The following PLD5 variants were observed in gnomAD, a reference collection of about 807,000 sequenced individuals.
PLD5 encodes inactive phospholipase D5.
A neutral mutation model predicts 61.1 loss-of-function variants in PLD5; 36 were observed. That is an observed-to-expected ratio of 0.59 (90% confidence interval 0.45 to 0.78). The LOEUF (loss-of-function observed/expected upper bound fraction) is 0.78, where lower values mean the gene tolerates loss of function less well. Ranked by LOEUF, PLD5 falls within the 30% of genes least tolerant of loss-of-function variation. The probability of loss-of-function intolerance (pLI) is 0.00; values close to 1 mark genes in which losing one functional copy is unlikely to be tolerated. For synonymous variants in PLD5, 243 were observed against 242.8 expected, an observed-to-expected ratio of 1.00 and a Z score of -0.01; for missense variants, 515 against 644.4, an observed-to-expected ratio of 0.80 and a Z score of 2.17.
At position 242,392,882 on chromosome 1, in the gene PLD5, T is replaced by C. The variant is rs571104873; in HGVS notation, c.190-44640A>G. ...CGATTAGAGGATTATAATGAAGAAA[T>C]TAAACACATGTACAAAGTAAGCAAT... On this transcript the variant is annotated intron_variant, in intron 1 of 9. Coordinates refer to ENST00000536534, the MANE Select transcript of PLD5 (RefSeq NM_001372062.1). Among the ~76,000 whole-genome samples the C allele has an allele frequency of 2.0e-5, 3 of 152,266 alleles. No individual in the cohort carries two copies. The East Asian group carries it at 5.8e-4, about 29-fold the overall frequency.
chr1:242,156,869 C>A (rs1203523317), intron 5 of PLD5, among the ~76,000 whole-genome samples: 1 of 152,108 alleles, frequency 6.6e-6, no homozygotes, highest in Admixed American at 6.6e-5. Flanking sequence ...TTGTGGTGGT[C>A]TCTGCATTTC....
At chr1:242,409,441 C>T (rs992258080) in intron 1 of PLD5, among the ~76,000 whole-genome samples, 1 of 150,872 alleles carries the variant, frequency 6.6e-6, no homozygotes, top group African/African-American at 2.4e-5. Flanking sequence ...GTCCATGTTG[C>T]CTTATTGGTG....
In PLD5 at chr1:242,373,674, A is replaced by G. The variant is rs540209450; in HGVS notation, c.190-25432T>C. Among the ~76,000 whole-genome samples the G allele has an allele frequency of 2.6e-5, 4 of 152,308 alleles. No homozygotes were observed. In the East Asian group the frequency reaches 7.7e-4, roughly 29 times the overall value. ...AGGGACATGGATGAAACTGGAAATC[A>G]TCATTCTCAGCAAACTATCGCAAGG... On this transcript the variant is annotated intron_variant, in intron 1 of 9. Coordinates refer to ENST00000536534, the MANE Select transcript of PLD5 (RefSeq NM_001372062.1).
chr1:242,393,837 A>C (rs1046516610), intron 1 of PLD5, among the ~76,000 whole-genome samples: 3 of 147,894 alleles, frequency 2.0e-5, no homozygotes, highest in Admixed American at 7.1e-5. Flanking sequence ...AGGCGGGTGG[A>C]TTACCTGAAG....
At chr1:242,103,978 TTAA>T (rs1660864307) in intron 8 of PLD5, among the ~76,000 whole-genome samples, 1 of 152,234 alleles carries the variant, frequency 6.6e-6, no homozygotes, top group Non-Finnish European at 1.5e-5. Flanking sequence ...ATTTAAATTG[TTAA>T]TAATTTCATG....
At chr1:242,412,104 T>A (rs1309767672) in intron 1 of PLD5, among the ~76,000 whole-genome samples, 1 of 152,154 alleles carries the variant, frequency 6.6e-6, no homozygotes, top group African/African-American at 2.4e-5. Context: ...GAATGACTCA[T>A]CTCATCCTGT....
At chr1:242,310,897 A>C (rs557686248) in intron 2 of PLD5, among the ~76,000 whole-genome samples, 89 of 152,226 alleles carry the variant, frequency 5.8e-4, no homozygotes, top group African/African-American at 1.9e-3. Flanking sequence ...GGCTTCCAAA[A>C]TCATATCCCA....
chr1:242,202,350 A>G (rs953280660), intron 5 of PLD5, among the ~76,000 whole-genome samples: 1 of 152,174 alleles, frequency 6.6e-6, no homozygotes, highest in East Asian at 1.9e-4. Flanking sequence ...GGTTACTAAT[A>G]ATAATAATCA....
At chr1:242,286,980 C>G (rs1313029166) in intron 3 of PLD5, among the ~76,000 whole-genome samples, 5 of 152,200 alleles carry the variant, frequency 3.3e-5, no homozygotes, top group Middle Eastern at 3.4e-3. Context: ...AAGATGGCCA[C>G]CAATAATCCT....
At chr1:242,187,572 T>C (rs1163484371) in intron 5 of PLD5, among the ~76,000 whole-genome samples, 1 of 152,254 alleles carries the variant, frequency 6.6e-6, no homozygotes, top group East Asian at 1.9e-4. Context: ...CATTTTTCAT[T>C]AAATATTTCT....
intron 5 of PLD5, among the ~76,000 whole-genome samples, chr1:242,155,297 C>A (rs1574409437): frequency 6.6e-6 from 1 of 152,048 alleles, no homozygotes; most frequent in East Asian, 1.9e-4. Flanking sequence ...TCAAAAAAAC[C>A]AGATCCTGGA....
chr1:242,483,724 A>C (rs1667863136), intron 1 of PLD5, among the ~76,000 whole-genome samples: 1 of 152,246 alleles, frequency 6.6e-6, no homozygotes, highest in Non-Finnish European at 1.5e-5. Flanking sequence ...AGACATCTAC[A>C]GAACTCTCCA....
chr1:242,314,267 G>C (rs1165610332), intron 2 of PLD5, among the ~76,000 whole-genome samples: 1 of 152,158 alleles, frequency 6.6e-6, no homozygotes, highest in East Asian at 1.9e-4. Context: ...CAAGCTTAAA[G>C]AGATACAAGC....
intron 1 of PLD5, among the ~76,000 whole-genome samples, chr1:242,457,828 T>C (rs1666990392): frequency 6.6e-6 from 1 of 152,144 alleles, no homozygotes; most frequent in South Asian, 2.1e-4. Context: ...TTAAAAACTA[T>C]ACATATTGGG....
intron 1 of PLD5, among the ~76,000 whole-genome samples, chr1:242,519,421 G>A (rs1031783224): frequency 2.6e-5 from 4 of 152,164 alleles, no homozygotes; most frequent in Non-Finnish European, 5.9e-5. Flanking sequence ...TTTTTTAAGT[G>A]TGAGGCACTT....
At chr1:242,184,072 T>A (rs1056874514) in intron 5 of PLD5, among the ~76,000 whole-genome samples, 2 of 152,220 alleles carry the variant, frequency 1.3e-5, no homozygotes, top group Non-Finnish European at 2.9e-5. Context: ...TGTGTGGACC[T>A]GTTCAGCACT....
upstream of PLD5, among the ~76,000 whole-genome samples, chr1:242,527,933 T>C (rs1014783262): frequency 7.2e-5 from 11 of 152,204 alleles, no homozygotes; most frequent in Admixed American, 5.9e-4. Flanking sequence ...ACACAGGTGT[T>C]ATGGACCATC....
chr1:242,322,191 G>T (rs112608752), intron 2 of PLD5, among the ~76,000 whole-genome samples: 1 of 152,136 alleles, frequency 6.6e-6, no homozygotes, highest in Non-Finnish European at 1.5e-5. Context: ...TCCGCACCAG[G>T]CACTAGGCAT....
chr1:242,095,955 C>CT (rs1466193379), intron 9 of PLD5, among the ~76,000 whole-genome samples: 10 of 151,342 alleles, frequency 6.6e-5, no homozygotes, highest in Non-Finnish European at 1.0e-4. Context: ...AATATTCTCT[C>CT]TTTTTTTTTC....
Sources: allele counts gnomAD v4.1 joint callset (sites outside exome capture counted in the v4.1 genomes callset), GRCh38; gene constraint gnomAD v4.1.1; transcripts MANE v1.5; gene names NCBI Gene and HGNC (gene_info 2026-07-23, HGNC 2026-07-21).